CAPN8: variants seen among roughly 807,000 people sequenced by gnomAD.
CAPN8 encodes the protein calpain-8.
CAPN8 carries 87 observed loss-of-function variants against 80.9 expected under a neutral mutation model. The observed-to-expected ratio is 1.07, with a 90% CI of 0.90 to 1.28. The LOEUF (loss-of-function observed/expected upper bound fraction) is 1.28. Among genes scored for constraint, CAPN8 ranks in the 50% most tolerant of loss-of-function variants. The pLI is 0.00. For missense variants in CAPN8, 757 were observed against 702.0 expected, an observed-to-expected ratio of 1.08 and a Z score of -0.89; for synonymous variants, 299 against 273.8, an observed-to-expected ratio of 1.09 and a Z score of -0.91.
At chr1:223,544,282 G>T in intron 18 of CAPN8, 99 bp from the exon 19 acceptor site, 1 of 663,076 alleles carries the variant, frequency 1.5e-6, no homozygotes, top group Non-Finnish European at 2.8e-6. Flanking sequence ...CCCCTCTGTG[G>T]TTCTGTATCA....
rs532809342 is a variant in CAPN8, at chr1:223,634,404, C to T, written c.308-5624G>A. On this transcript the variant is annotated intron_variant, in intron 2 of 20. Coordinates refer to ENST00000366872, the MANE Select transcript of CAPN8 (RefSeq NM_001143962.2). The stretch of plus-strand genomic sequence containing the variant: ...GGACCCATAAGTCAGCACTAGGGTA[C>T]GTAAGGACTAGCGGGCTTCTCTCAT... Among the ~76,000 whole-genome samples the T allele has an allele frequency of 1.3e-4, 20 of 152,228 alleles. No homozygotes were observed. The East Asian group carries it at 1.5e-3, about 12-fold the overall frequency.
intron 1 of CAPN8, among the ~76,000 whole-genome samples, chr1:223,664,539 A>G (rs999604808): frequency 3.9e-5 from 6 of 152,242 alleles, no homozygotes; most frequent in African/African-American, 1.4e-4. Flanking sequence ...TAAGGTTCAC[A>G]GAGTTTACCG....
rs750559293 is a variant in CAPN8 at position 223,659,472 on chromosome 1, C to T, written c.238-5073G>A. On this transcript the variant is annotated intron_variant, in intron 1 of 20. Coordinates refer to ENST00000366872, the MANE Select transcript of CAPN8 (RefSeq NM_001143962.2). The stretch of plus-strand genomic sequence containing the variant: ...TCCCATCACAGTGGACTCCCACCTT[C>T]CTCTGAATACACTTGCTCCCGATGC... 6.6e-5 allele frequency among the ~76,000 whole-genome samples: 10 copies of T among 152,188 alleles called. No individual in the cohort carries two copies. The South Asian group carries it at 1.2e-3, about 19-fold the overall frequency.
intron 2 of CAPN8, among the ~76,000 whole-genome samples, chr1:223,632,276 C>T (rs1200635491): frequency 6.6e-6 from 1 of 152,194 alleles, no homozygotes; most frequent in Non-Finnish European, 1.5e-5. Flanking sequence ...CTTCAGAGTC[C>T]TCTGGAAGAT....
intron 13 of CAPN8, among the ~76,000 whole-genome samples, chr1:223,554,627 G>A (rs1360001980): frequency 2.6e-5 from 4 of 151,996 alleles, no homozygotes; most frequent in African/African-American, 7.3e-5. Flanking sequence ...TCAGATTCAC[G>A]AAGAGCAACA....
At chr1:223,629,448 C>T (rs36011221) in intron 2 of CAPN8, among the ~76,000 whole-genome samples, 2 of 152,086 alleles carry the variant, frequency 1.3e-5, no homozygotes, top group Non-Finnish European at 2.9e-5. Context: ...TTTTGGTGTT[C>T]GTCACATTGG....
intron 2 of CAPN8, among the ~76,000 whole-genome samples, chr1:223,641,572 A>G (rs955608171): frequency 2.0e-5 from 3 of 152,148 alleles, no homozygotes; most frequent in Non-Finnish European, 4.4e-5. Context: ...GCCCTTAGGA[A>G]TAAAGTCCAG....
chr1:223,660,306 A>T (rs150519331), intron 1 of CAPN8, among the ~76,000 whole-genome samples: 1 of 152,274 alleles, frequency 6.6e-6, no homozygotes, highest in Non-Finnish European at 1.5e-5. Context: ...GCATTCCTCA[A>T]ACCACAGGAC....
At chr1:223,658,665 G>C (rs1293384839) in intron 1 of CAPN8, among the ~76,000 whole-genome samples, 1 of 152,138 alleles carries the variant, frequency 6.6e-6, no homozygotes, top group Admixed American at 6.5e-5. Flanking sequence ...AACTAGCCAG[G>C]CATGGTGGTG....
At chr1:223,663,179 C>T (rs572004507) in intron 1 of CAPN8, among the ~76,000 whole-genome samples, 2 of 152,314 alleles carry the variant, frequency 1.3e-5, no homozygotes, top group South Asian at 2.1e-4. Flanking sequence ...CTACAATTAC[C>T]GCATTTCCAC....
intron 20 of CAPN8, among the ~76,000 whole-genome samples, chr1:223,542,509 T>C (rs1656494726): frequency 6.6e-6 from 1 of 152,132 alleles, no homozygotes; most frequent in Non-Finnish European, 1.5e-5. Flanking sequence ...AGTAATAACC[T>C]GGCCCTCTAG....
chr1:223,627,202 A>G (rs558396877), intron 4 of CAPN8, 45 bp from the exon 5 acceptor site: 1 of 1,544,168 alleles, frequency 6.5e-7, no homozygotes, highest in South Asian at 1.2e-5. Context: ...ACCCTCAGCA[A>G]GGAGACCCGG....
At chr1:223,625,988 T>G (rs531103841) in intron 5 of CAPN8, 100 bp from the exon 6 acceptor site, 2 of 880,566 alleles carry the variant, frequency 2.3e-6, no homozygotes, top group Admixed American at 2.0e-5. Context: ...ACTGGGGGCT[T>G]CAGTGTGGGA....
chr1:223,643,691 A>G (rs960098378), intron 2 of CAPN8, among the ~76,000 whole-genome samples: 6 of 152,258 alleles, frequency 3.9e-5, no homozygotes, highest in African/African-American at 1.4e-4. Context: ...GCACATCTAC[A>G]GAAGCACAGA....
chr1:223,641,396 G>A (rs1658036519), intron 2 of CAPN8, among the ~76,000 whole-genome samples: 1 of 149,842 alleles, frequency 6.7e-6, no homozygotes, highest in African/African-American at 2.5e-5. Context: ...ACTAAGAAAT[G>A]TGGACCTCCA....
At position 223,628,101 on chromosome 1, in the gene CAPN8, G is replaced by C. The variant is rs538175456; in HGVS notation, c.468C>G (p.Asp156Glu). The C allele has an allele frequency of 1.8e-5, 28 of 1,551,182 alleles. No individual in the cohort carries two copies. The East Asian group carries it at 6.8e-4, about 38-fold the overall frequency. Residue 156 changes from aspartate (D) to glutamate (E), a missense_variant, in exon 4 of 21, where the codon GAC (aspartate) becomes GAG (glutamate). Transcript: ENST00000366872. ...YGEWVEVVID[D>E]RLPTKNGQLL... ...GCTGTCCATTCTTGGTGGGCAGCCT[G>C]TCGTCAATGACCACCTCCACCCACT...
chr1:223,654,725 G>T (rs954054206), intron 1 of CAPN8, among the ~76,000 whole-genome samples: 2 of 152,014 alleles, frequency 1.3e-5, no homozygotes, highest in Non-Finnish European at 2.9e-5. Flanking sequence ...GCCCAGCCTG[G>T]AGTGCAGTGG....
intron 1 of CAPN8, among the ~76,000 whole-genome samples, chr1:223,655,771 C>G (rs947546819): frequency 6.6e-6 from 1 of 152,086 alleles, no homozygotes; most frequent in Non-Finnish European, 1.5e-5. Context: ...GAGCAGTCTA[C>G]GTACTGGTTC....
rs564085510 is a variant in CAPN8, at chr1:223,648,448, C to T, written c.307+5882G>A. On this transcript the variant is annotated intron_variant, in intron 2 of 20. Transcript: ENST00000366872. ...AGTCCTAGTGAATTGATTTACTTTG[C>T]CACAGTCCTTGAAGGATGCTACAGA... Among the ~76,000 whole-genome samples, 3 of 152,318 alleles carry T rather than the reference C, an allele frequency of 2.0e-5. No individual in the cohort carries two copies. In the East Asian group the frequency reaches 5.8e-4, roughly 29 times the overall value.
Sources: allele counts gnomAD v4.1 joint callset (sites outside exome capture counted in the v4.1 genomes callset), GRCh38; gene constraint gnomAD v4.1.1; transcripts MANE v1.5; gene names NCBI Gene and HGNC (gene_info 2026-07-23, HGNC 2026-07-21).